The following NEDD4L variants were observed in gnomAD, a reference collection of about 807,000 sequenced individuals.
The protein encoded by NEDD4L is E3 ubiquitin-protein ligase NEDD4-like.
A neutral mutation model predicts 148.9 loss-of-function variants in NEDD4L; 54 were observed. The ratio of observed to expected loss-of-function variants is 0.36; its 90% CI spans 0.29 to 0.45. The LOEUF is 0.45. Among genes scored for constraint, NEDD4L ranks in the 20% least tolerant of loss-of-function variants. NEDD4L has a pLI of 1.00. For missense variants in NEDD4L, 856 were observed against 1,233.8 expected, an observed-to-expected ratio of 0.69 and a Z score of 4.59; for synonymous variants, 433 against 440.7, an observed-to-expected ratio of 0.98 and a Z score of 0.22.
intron 9 of NEDD4L, among the ~76,000 whole-genome samples, chr18:58,328,018 A>G (rs973936998): frequency 6.6e-6 from 1 of 151,212 alleles, no homozygotes. Context: ...GCTAGAGTAC[A>G]GTGACATGAT....
chr18:58,077,160 C>CTTTTTT (rs60248050), intron 1 of NEDD4L, among the ~76,000 whole-genome samples: 3 of 48,922 alleles, frequency 6.1e-5, no homozygotes, highest in Non-Finnish European at 1.1e-4. Context: ...CTCATAACGG[C>CTTTTTT]TTTTTTTTTT....
At position 58,343,002 on chromosome 18, in the gene NEDD4L, C is replaced by T; in HGVS notation, c.1474C>T (p.His492Tyr). 2 of 1,613,968 alleles carry T rather than the reference C, an allele frequency of 1.2e-6. No individual in the cohort carries two copies. The highest frequency in any genetic ancestry group is 1.7e-6 in the Non-Finnish European group (2 of 1,179,862). ...PSPYNSPKPQ[H>Y]KVTQSFLPPG... ...ACCTTACAACTCCCCCAAACCACAA[C>T]ACAAAGTCACACAGAGCTTCTTGCC... is the stretch of plus-strand genomic sequence containing the variant. Residue 492 changes from histidine (H) to tyrosine (Y), a missense_variant, in exon 16 of 31, where the codon CAC (histidine) becomes TAC (tyrosine). By Grantham distance (83) the His-to-Tyr change is moderately conservative. Coordinates refer to ENST00000400345, the MANE Select transcript of NEDD4L (RefSeq NM_001144967.3).
At chr18:58,373,938 A>G (rs774844549) in intron 24 of NEDD4L, among the ~76,000 whole-genome samples, 9 of 152,244 alleles carry the variant, frequency 5.9e-5, no homozygotes, top group Admixed American at 1.3e-4. Context: ...TCTGCCACTC[A>G]GTAATAATGA....
intron 5 of NEDD4L, among the ~76,000 whole-genome samples, chr18:58,294,663 T>G (rs2055290611): frequency 6.6e-6 from 1 of 151,256 alleles, no homozygotes; most frequent in African/African-American, 2.5e-5. Flanking sequence ...TTGAAGTGAT[T>G]TTATTTTCTG....
chr18:58,251,386 GC>G (rs1333936355), intron 4 of NEDD4L, among the ~76,000 whole-genome samples: 1 of 152,052 alleles, frequency 6.6e-6, no homozygotes, highest in East Asian at 1.9e-4. Flanking sequence ...AATTAGCCAG[GC>G]ATGGTAGTCC....
At chr18:58,224,986 A>C (rs1292637022) in intron 2 of NEDD4L, among the ~76,000 whole-genome samples, 1 of 152,142 alleles carries the variant, frequency 6.6e-6, no homozygotes, top group Non-Finnish European at 1.5e-5. Flanking sequence ...ATTTTCTTTA[A>C]ATTATTTGTT....
intron 1 of NEDD4L, chr18:58,165,516 A>T: frequency 3.4e-6 from 1 of 292,716 alleles, no homozygotes; most frequent in Non-Finnish European, 5.1e-6. Context: ...AGCTAACTTT[A>T]AATGGCAGGA....
chr18:58,265,434 A>C (rs2050082275), intron 5 of NEDD4L, among the ~76,000 whole-genome samples: 1 of 152,064 alleles, frequency 6.6e-6, no homozygotes, highest in South Asian at 2.1e-4. Flanking sequence ...GAGGACAAGG[A>C]AATACCAAGG....
chr18:58,380,067 C>A (rs902334530), intron 24 of NEDD4L, among the ~76,000 whole-genome samples: 12 of 137,250 alleles, frequency 8.7e-5, no homozygotes, highest in African/African-American at 3.4e-4. Context: ...TCTTTTCTTT[C>A]AAAAATTATT....
At position 58,397,198 on chromosome 18, in the gene NEDD4L, T is replaced by G. The variant is rs1398139834; in HGVS notation, c.*929T>G. 6.6e-6 allele frequency: 1 copy of G among 152,622 alleles called. No homozygotes were observed. Among genetic ancestry groups the G allele is most frequent in the Non-Finnish European group, 1.5e-5 (1 of 68,026 alleles). 9.5% of individuals were successfully genotyped at this position (152,622 alleles called of 1,614,324 possible). A position where few individuals can be genotyped will look rare whatever the true frequency, so the allele number is the denominator to read the frequency against. On this transcript the variant is annotated 3_prime_UTR_variant, in exon 31 of 31. Transcript: ENST00000400345. ...GTAGTAGAGACATTTTGAATGAAAC[T>G]TGGCACTGCTTGATTCAAAACTGTG...
intron 5 of NEDD4L, among the ~76,000 whole-genome samples, chr18:58,271,136 C>T (rs1313745611): frequency 6.6e-6 from 1 of 152,046 alleles, no homozygotes; most frequent in African/African-American, 2.4e-5. Context: ...TAATTCCTCA[C>T]AGATGTTTAG....
At chr18:58,087,676 A>G (rs1200611735) in intron 1 of NEDD4L, among the ~76,000 whole-genome samples, 2 of 152,078 alleles carry the variant, frequency 1.3e-5, no homozygotes, top group African/African-American at 4.8e-5. Flanking sequence ...GGAGTTTGAG[A>G]CCATCCTGAC....
chr18:58,388,444 C>T (rs1363401035), intron 27 of NEDD4L: 2 of 152,308 alleles, frequency 1.3e-5, no homozygotes, highest in Non-Finnish European at 2.9e-5. Flanking sequence ...AGGCTTCTGG[C>T]TTAGTTCTGT....
chr18:58,157,464 G>T (rs774607194), intron 1 of NEDD4L, among the ~76,000 whole-genome samples: 2 of 151,602 alleles, frequency 1.3e-5, no homozygotes, highest in Non-Finnish European at 1.5e-5. Context: ...GCAAATATTC[G>T]TACACACACA....
chr18:58,283,399 G>C (rs780535621), intron 5 of NEDD4L, among the ~76,000 whole-genome samples: 2 of 152,142 alleles, frequency 1.3e-5, no homozygotes, highest in Non-Finnish European at 2.9e-5. Flanking sequence ...TTTAAAGCCT[G>C]TGTTCGAAAG....
chr18:58,310,422 C>T (rs1362135648), intron 5 of NEDD4L, among the ~76,000 whole-genome samples: 2 of 152,184 alleles, frequency 1.3e-5, no homozygotes, highest in African/African-American at 4.8e-5. Context: ...TGTTCTGGTG[C>T]ATATGAAGTG....
intron 1 of NEDD4L, among the ~76,000 whole-genome samples, chr18:58,143,272 A>T (rs192563470): frequency 2.0e-5 from 3 of 152,184 alleles, no homozygotes; most frequent in Non-Finnish European, 2.9e-5. Flanking sequence ...CACACAGCTG[A>T]TAAGTAACCC....
intron 1 of NEDD4L, among the ~76,000 whole-genome samples, chr18:58,071,025 A>G (rs538590585): frequency 1.6e-3 from 237 of 152,220 alleles, no homozygotes; most frequent in Middle Eastern, 3.4e-3. Flanking sequence ...TATGTCCCAT[A>G]TACAGGTTAA....
At position 58,400,335 on chromosome 18, in the gene NEDD4L, A is replaced by G. The variant is rs139996784; in HGVS notation, c.*4066A>G. ...ATGTGTTTTTAAAAAACAAATCCTT[A>G]TAAACTCCACTTTGTACTTTAGATT... On this transcript the variant is annotated 3_prime_UTR_variant, in exon 31 of 31. Transcript: ENST00000400345. The G allele has an allele frequency of 8.5e-5, 13 of 152,364 alleles. No individual in the cohort carries two copies. The East Asian group carries it at 2.5e-3, about 29-fold the overall frequency. The allele number at this position is 152,364 out of a possible 1,614,324, so 9.4% of individuals were successfully genotyped here. A position where few individuals can be genotyped will look rare whatever the true frequency, so the allele number is the denominator to read the frequency against.
Sources: gnomAD v4.1 joint callset for allele counts (sites outside exome capture counted in the v4.1 genomes callset) on GRCh38, gnomAD v4.1.1 for gene constraint, MANE v1.5 for transcripts, NCBI Gene and HGNC (gene_info 2026-07-23, HGNC 2026-07-21) for gene names.